The following FAM135A variants were observed in gnomAD, a reference collection of about 807,000 sequenced individuals.
FAM135A encodes the protein protein FAM135A.
Under a neutral mutation model 146.8 loss-of-function variants are expected in FAM135A, and 79 were observed. The observed-to-expected ratio is 0.54, with a 90% CI of 0.45 to 0.65. The LOEUF is 0.65. Ranked by LOEUF, FAM135A falls within the 30% of genes least tolerant of loss-of-function variation. FAM135A has a pLI of 0.00. For synonymous variants in FAM135A, 562 were observed against 603.6 expected (o/e 0.93, Z 1.01); for missense variants, 1,623 against 1,758.2 (o/e 0.92, Z 1.38).
chr6:70,526,714 T>A lies in FAM135A; in HGVS notation c.3614+16T>A, dbSNP rs1794757267. 1 of 1,566,118 alleles carries A rather than the reference T, an allele frequency of 6.4e-7. No individual in the cohort carries two copies. The highest frequency in any genetic ancestry group is 8.6e-7 in the Non-Finnish European group (1 of 1,159,756). ...AAATACAAGCGTAAGTAATGGAACG[T>A]AATAGTACCTGCTGCTAAATATATA... On this transcript the variant is annotated intron_variant, in intron 15 of 21. Transcript: ENST00000418814.
At chr6:70,488,742 A>G (rs2128209937) in intron 10 of FAM135A, among the ~76,000 whole-genome samples, 1 of 152,182 alleles carries the variant, frequency 6.6e-6, no homozygotes, top group East Asian at 1.9e-4. Context: ...CATCTTTCTT[A>G]ATTTTTTCAA....
chr6:70,437,768 GA>G (rs1206186073), intron 4 of FAM135A, among the ~76,000 whole-genome samples: 1 of 152,084 alleles, frequency 6.6e-6, no homozygotes, highest in African/African-American at 2.4e-5. Context: ...TAAAGTTATT[GA>G]AATAAGTCAA....
At chr6:70,434,325 G>A (rs1582070143) in intron 4 of FAM135A, among the ~76,000 whole-genome samples, 1 of 152,156 alleles carries the variant, frequency 6.6e-6, no homozygotes, top group Admixed American at 6.5e-5. Context: ...TTAAAGTGGG[G>A]GAAATTTTTC....
Position 70,533,249 on chromosome 6 carries a change from C to T in FAM135A, c.3865C>T (p.Gln1289Ter). Residue 1289 changes from glutamine to a stop codon, truncating the protein, a stop_gained and splice_region_variant, in exon 17 of 22, where the codon CAG (glutamine) becomes TAG (stop). Transcript: ENST00000418814. LOFTEE classifies it high-confidence loss of function. ...RIDFLMSERN[Q>*]NDTFADFDSM... The stretch of plus-strand genomic sequence containing the variant: ...TGATTTTCTTATGTCTGAGAGAAAT[C>T]AGGTACAATATGACAGTGTTTTCAG... The T allele has an allele frequency of 6.2e-7, 1 of 1,610,508 alleles. No homozygotes were observed. The highest frequency in any genetic ancestry group is 8.5e-7 in the Non-Finnish European group (1 of 1,177,352).
intron 4 of FAM135A, among the ~76,000 whole-genome samples, chr6:70,448,398 A>G (rs968965636): frequency 3.9e-5 from 6 of 152,218 alleles, no homozygotes; most frequent in African/African-American, 1.4e-4. Flanking sequence ...CACTTGTGCC[A>G]CTGTTACCCT....
At chr6:70,441,685 AT>A (rs201530248) in intron 4 of FAM135A, among the ~76,000 whole-genome samples, 424 of 140,810 alleles carry the variant, frequency 3.0e-3, no homozygotes, top group African/African-American at 4.3e-3. Context: ...GCATTAGCAA[AT>A]TTTTTTTTTT....
chr6:70,535,549 T>C (rs561739691), intron 18 of FAM135A, among the ~76,000 whole-genome samples: 37 of 152,240 alleles, frequency 2.4e-4, no homozygotes, highest in Non-Finnish European at 4.3e-4. Context: ...GTGTTCCTTA[T>C]GAGAATCTAG....
At position 70,525,281 on chromosome 6, in the gene FAM135A, C is replaced by T. The variant is rs1794469291; in HGVS notation, c.2197C>T (p.Arg733Ter). 2 of 1,600,112 alleles carry T rather than the reference C, an allele frequency of 1.2e-6. No individual in the cohort carries two copies. Among genetic ancestry groups the T allele is most frequent in the Admixed American group, 1.7e-5 (1 of 57,240 alleles). Residue 733 changes from arginine (R) to a stop codon, truncating the protein, a stop_gained, in exon 15 of 22, where the codon CGA becomes TGA. Transcript: ENST00000418814. LOFTEE classifies it high-confidence loss of function. Reference sequence around the variant, plus strand: ...TATTGGAGAATCATTAACTAAATTACGAAGTAATCTACCTGCCCCTTCTAC... The same window carrying T: ...TATTGGAGAATCATTAACTAAATTATGAAGTAATCTACCTGCCCCTTCTAC... ...LSIGESLTKL[R>*]SNLPAPSTKE...
chr6:70,503,401 AGTTCCTCC>A (rs1309624132), intron 12 of FAM135A: 1 of 152,174 alleles, frequency 6.6e-6, no homozygotes, highest in African/African-American at 2.4e-5. Flanking sequence ...ACGTACTAGG[AGTTCCTCC>A]AAACATCATT....
chr6:70,507,386 A>C (rs1790027099), intron 12 of FAM135A, among the ~76,000 whole-genome samples: 2 of 152,188 alleles, frequency 1.3e-5, no homozygotes, highest in Admixed American at 1.3e-4. Flanking sequence ...AAGGTCATTC[A>C]GTGTTTGTAC....
At chr6:70,441,263 C>T (rs1774400467) in intron 4 of FAM135A, among the ~76,000 whole-genome samples, 1 of 152,002 alleles carries the variant, frequency 6.6e-6, no homozygotes, top group Admixed American at 6.6e-5. Flanking sequence ...TGGCACGCAC[C>T]TATAATCCCA....
At chr6:70,527,378 G>T (rs1295016602) in intron 15 of FAM135A, among the ~76,000 whole-genome samples, 1 of 152,006 alleles carries the variant, frequency 6.6e-6, no homozygotes, top group Non-Finnish European at 1.5e-5. Context: ...TATATAGAGA[G>T]AGATTTTTAA....
At chr6:70,520,500 G>A (rs932954568) in intron 12 of FAM135A, among the ~76,000 whole-genome samples, 1 of 152,092 alleles carries the variant, frequency 6.6e-6, no homozygotes, top group Admixed American at 6.6e-5. Context: ...CACAGATACA[G>A]GAGTATTTAA....
chr6:70,524,951 G>A lies in FAM135A; in HGVS notation c.1867G>A (p.Asp623Asn). Residue 623 changes from aspartate to asparagine, a missense_variant, in exon 15 of 22, where the codon GAC becomes AAC. Around this residue, in one of 7 missense-constraint regions of FAM135A, gnomAD observed 1,061 missense variants for 1,113.8 expected, o/e 0.95. Transcript: ENST00000418814. ...TTCAGGTAAACTTGATATCTCCCAGGACGATAGTGAAATTACACAAATGGA... is the reference window on the plus strand; with the variant it reads ...TTCAGGTAAACTTGATATCTCCCAGAACGATAGTGAAATTACACAAATGGA... ...SISGKLDISQDDSEITQMEHN... is the reference protein window; with the variant it reads ...SISGKLDISQNDSEITQMEHN... The A allele has an allele frequency of 6.2e-7, 1 of 1,606,978 alleles. No homozygotes were observed. The highest frequency in any genetic ancestry group is 2.2e-5 in the East Asian group (1 of 44,842).
intron 12 of FAM135A, among the ~76,000 whole-genome samples, chr6:70,512,050 A>T (rs556671189): frequency 6.6e-6 from 1 of 152,096 alleles, no homozygotes; most frequent in South Asian, 2.1e-4. Context: ...ACATATTTTG[A>T]AAACTACTCA....
Position 70,523,883 on chromosome 6 carries a change from G to A in FAM135A, c.1104-84G>A, listed in dbSNP as rs978986321. On this transcript the variant is annotated intron_variant, in intron 13 of 21. Coordinates refer to ENST00000418814, the MANE Select transcript of FAM135A (RefSeq NM_001162529.3). ...GCAGATGAGGGATAGGAATTGAGGA[G>A]GGAAGGGGAAAGGGTAGATTCTACA... 4 of 1,373,892 alleles carry A rather than the reference G, an allele frequency of 2.9e-6. No individual in the cohort carries two copies. In the African/African-American group the frequency reaches 4.5e-5, roughly 15 times the overall value. 85.1% of individuals were successfully genotyped at this position (1,373,892 alleles called of 1,614,324 possible). A position where few individuals can be genotyped will look rare whatever the true frequency, so the allele number is the denominator to read the frequency against.
At chr6:70,557,155 T>C (rs1801002231) in intron 21 of FAM135A, 1 of 495,154 alleles carries the variant, frequency 2.0e-6, no homozygotes, top group South Asian at 3.9e-5. Flanking sequence ...ATTGTAGTCA[T>C]CCTTGTCATA....
intron 10 of FAM135A, among the ~76,000 whole-genome samples, chr6:70,485,180 G>T (rs1028162954): frequency 3.3e-5 from 5 of 152,066 alleles, no homozygotes; most frequent in African/African-American, 1.2e-4. Flanking sequence ...ATGAATGAAT[G>T]AAATAGCACA....
At chr6:70,506,731 G>T (rs1216551205) in intron 12 of FAM135A, among the ~76,000 whole-genome samples, 7 of 145,502 alleles carry the variant, frequency 4.8e-5, no homozygotes, top group Non-Finnish European at 4.6e-5. Context: ...TTTTTATTTT[G>T]TTTTTTCTTT....
Sources: allele counts gnomAD v4.1 joint callset (sites outside exome capture counted in the v4.1 genomes callset), GRCh38; gene constraint gnomAD v4.1.1; regional missense constraint gnomAD v4.1.1; transcripts MANE v1.5; gene names NCBI Gene and HGNC (gene_info 2026-07-23, HGNC 2026-07-21).